The following CHST9 variants were observed in gnomAD, a reference collection of about 807,000 sequenced individuals.
CHST9 encodes carbohydrate sulfotransferase 9.
A neutral mutation model predicts 44.4 loss-of-function variants in CHST9; 41 were observed. That is an observed-to-expected ratio of 0.92 (90% CI 0.72 to 1.20). The LOEUF (loss-of-function observed/expected upper bound fraction) is 1.20. CHST9 is among the 50% of genes most tolerant of loss of function. The pLI, the probability that CHST9 is intolerant of heterozygous loss-of-function variation, is 0.00. For synonymous variants in CHST9, 171 were observed against 178.4 expected (o/e 0.96, Z 0.33); for missense variants, 504 against 516.5 (o/e 0.98, Z 0.23).
At chr18:26,945,766 C>T (rs1436117877) in intron 4 of CHST9, among the ~76,000 whole-genome samples, 2 of 152,160 alleles carry the variant, frequency 1.3e-5, no homozygotes, top group African/African-American at 4.8e-5. Flanking sequence ...ATCTTCATTT[C>T]TCTGGGATAA....
chr18:27,059,095 C>T lies in CHST9; in HGVS notation c.122-10592G>A, dbSNP rs570316206. Among the ~76,000 whole-genome samples the T allele has an allele frequency of 2.0e-4, 30 of 152,082 alleles. No individual in the cohort carries two copies. The East Asian group carries it at 4.4e-3, about 23-fold the overall frequency. ...TCCTTTTCATGAAAAAAGAATAAAGCCTGTTATTAGGAGTGCAGTTAAAGC... is the reference window on the plus strand; with the variant it reads ...TCCTTTTCATGAAAAAAGAATAAAGTCTGTTATTAGGAGTGCAGTTAAAGC... On this transcript the variant is annotated intron_variant, in intron 2 of 5. Coordinates refer to ENST00000618847, the MANE Select transcript of CHST9 (RefSeq NM_031422.6).
At position 27,092,775 on chromosome 18, in the gene CHST9, T is replaced by C. The variant is rs573126630; in HGVS notation, c.122-44272A>G. Among the ~76,000 whole-genome samples, 4 of 152,370 alleles carry C rather than the reference T, an allele frequency of 2.6e-5. No homozygotes were observed. In the East Asian group the frequency reaches 7.7e-4, roughly 29 times the overall value. ...GCAGTTTTGAGTGAGTCCTGGATCC[T>C]GCGTTCTAGTTTGATTGCACTGTGG... On this transcript the variant is annotated intron_variant, in intron 2 of 5. Transcript: ENST00000618847.
intron 1 of CHST9, among the ~76,000 whole-genome samples, chr18:27,160,321 A>G (rs143790644): frequency 1.3e-5 from 2 of 152,052 alleles, no homozygotes; most frequent in African/African-American, 2.4e-5. Context: ...TAGCATGAAG[A>G]GTTGTTGAAT....
At chr18:26,976,541 G>A (rs985465838) in intron 4 of CHST9, among the ~76,000 whole-genome samples, 9 of 152,096 alleles carry the variant, frequency 5.9e-5, no homozygotes, top group African/African-American at 2.2e-4. Flanking sequence ...GGCCAGACAG[G>A]GATCCAGGAG....
rs72639453 is a variant in CHST9, at chr18:27,089,896, C to T, written c.122-41393G>A. 9.9e-3 allele frequency among the ~76,000 whole-genome samples: 1,490 copies of T among 150,820 alleles called. 68 individuals carry two copies. In the South Asian group the frequency reaches 0.11, roughly 11 times the overall value. On this transcript the variant is annotated intron_variant, in intron 2 of 5. Coordinates refer to ENST00000618847, the MANE Select transcript of CHST9 (RefSeq NM_031422.6). ...CGCGATCTGGGCTCAGTGCAAGCTC[C>T]GCCTCCCAGGTTCACGCCGTTCTCC...
chr18:26,982,064 T>G (rs1182712307), intron 4 of CHST9, among the ~76,000 whole-genome samples: 3 of 152,158 alleles, frequency 2.0e-5, no homozygotes, highest in African/African-American at 4.8e-5. Context: ...TTCAATGGCT[T>G]ACAGCTGCCT....
At chr18:26,929,860 G>GT (rs2055844986) in intron 5 of CHST9, among the ~76,000 whole-genome samples, 1 of 152,112 alleles carries the variant, frequency 6.6e-6, no homozygotes, top group African/African-American at 2.4e-5. Flanking sequence ...GGGCTATGAC[G>GT]TAAGTGACAC....
At chr18:26,941,959 G>T (rs867880318) in intron 5 of CHST9, among the ~76,000 whole-genome samples, 11 of 152,024 alleles carry the variant, frequency 7.2e-5, no homozygotes, top group African/African-American at 2.7e-4. Context: ...TGCCTGATGT[G>T]GGGGGGAGAA....
chr18:27,177,994 TCTC>T lies in CHST9; in HGVS notation c.-97+7139_-97+7141del, dbSNP rs555724554. ...CAATCCAACAACTTCAATTTCATCT[TCTC>T]TGAATCCCCATTGCACCACTATACT... On this transcript the variant is annotated intron_variant, in intron 1 of 5. Transcript: ENST00000618847. 3.0e-3 allele frequency among the ~76,000 whole-genome samples: 462 copies of T among 152,140 alleles called. 1 individual carries two copies. The highest frequency in any genetic ancestry group is 0.011 in the African/African-American group (437 of 41,526).
At chr18:27,077,145 G>A (rs554817901) in intron 2 of CHST9, among the ~76,000 whole-genome samples, 6 of 152,136 alleles carry the variant, frequency 3.9e-5, no homozygotes, top group African/African-American at 1.2e-4. Context: ...AACAATTTTT[G>A]TTATAGTCAT....
chr18:26,927,098 T>C (rs2055781818), intron 5 of CHST9, among the ~76,000 whole-genome samples: 1 of 152,220 alleles, frequency 6.6e-6, no homozygotes, highest in South Asian at 2.1e-4. Flanking sequence ...GGGTGCACCC[T>C]GACTCTGACA....
At position 26,947,179 on chromosome 18, in the gene CHST9, T is replaced by A. The variant is rs78484156; in HGVS notation, c.203-2813A>T. Reference sequence around the variant, plus strand: ...TGGAATGTTTTTCCATTTGTTTGTGTCCTCTCATACTTCCTTGAGCAGTGG... The same window carrying A: ...TGGAATGTTTTTCCATTTGTTTGTGACCTCTCATACTTCCTTGAGCAGTGG... On this transcript the variant is annotated intron_variant, in intron 4 of 5. Transcript: ENST00000618847. Among the ~76,000 whole-genome samples the A allele has an allele frequency of 3.5e-3, 527 of 152,326 alleles. 4 individuals are homozygous for A. The highest frequency in any genetic ancestry group is 0.012 in the African/African-American group (507 of 41,578).
At chr18:27,172,571 T>C (rs921421807) in intron 1 of CHST9, among the ~76,000 whole-genome samples, 9 of 152,004 alleles carry the variant, frequency 5.9e-5, no homozygotes, top group Non-Finnish European at 1.2e-4. Flanking sequence ...TAAAACAATA[T>C]CAAGTTTAAA....
In CHST9 at chr18:27,173,262, C is replaced by T. The variant is rs115635668; in HGVS notation, c.-97+11874G>A. Among the ~76,000 whole-genome samples the T allele has an allele frequency of 1.2e-3, 189 of 152,158 alleles. 2 individuals are homozygous for T. Among genetic ancestry groups the T allele is most frequent in the African/African-American group, 4.3e-3 (178 of 41,560 alleles). ...AGTATCTGCTTCTAATATATTAGCA[C>T]TAACAGTGCTTGCCAGTCTTCCTGA... On this transcript the variant is annotated intron_variant, in intron 1 of 5. Coordinates refer to ENST00000618847, the MANE Select transcript of CHST9 (RefSeq NM_031422.6).
chr18:27,018,851 T>C (rs1458579774), intron 4 of CHST9, among the ~76,000 whole-genome samples: 2 of 152,130 alleles, frequency 1.3e-5, no homozygotes, highest in African/African-American at 4.8e-5. Flanking sequence ...AGCAGGAGAA[T>C]GGGCCTGCCA....
chr18:26,936,748 A>T (rs932554584), intron 5 of CHST9: 2 of 152,172 alleles, frequency 1.3e-5, no homozygotes, highest in Non-Finnish European at 2.9e-5. Flanking sequence ...TGAAAAACTC[A>T]ACAGAAAGGA....
At chr18:27,026,079 T>C (rs2057282121) in intron 3 of CHST9, among the ~76,000 whole-genome samples, 1 of 152,186 alleles carries the variant, frequency 6.6e-6, no homozygotes, top group Admixed American at 6.5e-5. Context: ...AATCAAGTCA[T>C]TTCCTTAAAA....
intron 4 of CHST9, among the ~76,000 whole-genome samples, chr18:26,957,964 A>T (rs1217629727): frequency 6.6e-6 from 1 of 151,804 alleles, no homozygotes; most frequent in African/African-American, 2.4e-5. Flanking sequence ...TCCACTCACT[A>T]CAACCTCCGC....
chr18:27,180,916 T>C (rs2058906801), intron 1 of CHST9, among the ~76,000 whole-genome samples: 1 of 152,132 alleles, frequency 6.6e-6, no homozygotes, highest in Non-Finnish European at 1.5e-5. Context: ...TTTTAAAATA[T>C]TCAGTCTAGT....
Sources: allele counts gnomAD v4.1 joint callset (sites outside exome capture counted in the v4.1 genomes callset), GRCh38; gene constraint gnomAD v4.1.1; transcripts MANE v1.5; gene names NCBI Gene and HGNC (gene_info 2026-07-23, HGNC 2026-07-21).